NCAM1: variants seen among roughly 807,000 people sequenced by gnomAD.
NCAM1 encodes antigen recognized by monoclonal antibody 5.1H11.
Under a neutral mutation model 109.8 loss-of-function variants are expected in NCAM1, and 14 were observed. That is an observed-to-expected ratio of 0.13 (90% CI 0.08 to 0.20). The LOEUF (loss-of-function observed/expected upper bound fraction) is 0.20, where lower values mean the gene tolerates loss of function less well. NCAM1 is among the 10% of genes least tolerant of loss of function. The pLI is 1.00. For missense variants in NCAM1, 774 were observed against 1,109.9 expected (o/e 0.70, Z 4.30); for synonymous variants, 418 against 442.9 (o/e 0.94, Z 0.70).
At chr11:113,018,410 A>G (rs1952275850) in intron 1 of NCAM1, among the ~76,000 whole-genome samples, 1 of 152,132 alleles carries the variant, frequency 6.6e-6, no homozygotes, top group Admixed American at 6.5e-5. Context: ...CAGCAGTATA[A>G]CCTGTTGGGC....
intron 1 of NCAM1, among the ~76,000 whole-genome samples, chr11:113,193,769 G>A (rs1223420131): frequency 3.9e-5 from 6 of 152,164 alleles, no homozygotes; most frequent in Admixed American, 2.0e-4. Flanking sequence ...GGTGGTGGGA[G>A]TGAGAGCCTG....
chr11:113,215,718 C>T (rs992862818), intron 8 of NCAM1, among the ~76,000 whole-genome samples: 1 of 152,202 alleles, frequency 6.6e-6, no homozygotes, highest in Non-Finnish European at 1.5e-5. Flanking sequence ...TGAGGAACTG[C>T]TAAATATTTT....
intron 1 of NCAM1, among the ~76,000 whole-genome samples, chr11:113,153,811 T>G (rs1237527191): frequency 6.6e-6 from 1 of 152,232 alleles, no homozygotes; most frequent in Non-Finnish European, 1.5e-5. Flanking sequence ...TGGATTTGAA[T>G]CCTGGCTCTG....
intron 1 of NCAM1, among the ~76,000 whole-genome samples, chr11:113,150,095 C>A (rs934956745): frequency 1.3e-5 from 2 of 152,068 alleles, no homozygotes; most frequent in Admixed American, 6.5e-5. Context: ...AAAATGAATA[C>A]AAAGTCTGCT....
chr11:113,028,650 G>A (rs180724030), intron 1 of NCAM1, among the ~76,000 whole-genome samples: 7 of 152,280 alleles, frequency 4.6e-5, no homozygotes, highest in African/African-American at 9.6e-5. Context: ...ATCAAACAGT[G>A]TATATGCACA....
At position 112,962,547 on chromosome 11, in the gene NCAM1, C is replaced by G. The variant is rs1410889260; in HGVS notation, c.52+883C>G. Among the ~76,000 whole-genome samples the G allele has an allele frequency of 6.6e-6, 1 of 152,012 alleles. No individual in the cohort carries two copies. Among genetic ancestry groups the G allele is most frequent in the African/African-American group, 2.4e-5 (1 of 41,390 alleles). ...CCGCCCGAAACACCTCGCCCTGTCTCCTTTCTTTGGGCGAGGTTCCCGATC... is the reference window on the plus strand; with the variant it reads ...CCGCCCGAAACACCTCGCCCTGTCTGCTTTCTTTGGGCGAGGTTCCCGATC... On this transcript the variant is annotated intron_variant, in intron 1 of 19. Transcript: ENST00000316851. This position sits in a 1 kb window ranked among gnomAD's most constrained non-coding sequence, Gnocchi z 5.6.
rs1555117443 is a variant in NCAM1 at position 113,232,370 on chromosome 11, G to A, written c.1425+16G>A. On this transcript the variant is annotated intron_variant, in intron 11 of 19. Transcript: ENST00000316851. ...CTATCTGGAGGTGAGTCAGGATGGG[G>A]GTGGGACAGAGCAGAGAAAGCACAG... The A allele has an allele frequency of 6.3e-7, 1 of 1,596,024 alleles. No homozygotes were observed.
At chr11:113,208,175 C>T (rs1004841918) in intron 7 of NCAM1, among the ~76,000 whole-genome samples, 173 bp downstream of exon 7, 5 of 152,188 alleles carry the variant, frequency 3.3e-5, no homozygotes, top group Non-Finnish European at 7.3e-5. Context: ...ATCATCCTCA[C>T]CTGAGCAGTG....
chr11:113,078,036 G>A (rs1049714503), intron 1 of NCAM1, among the ~76,000 whole-genome samples: 6 of 152,120 alleles, frequency 3.9e-5, no homozygotes, highest in African/African-American at 1.4e-4. Context: ...TTGTGTCCTA[G>A]AACTGTCATA....
intron 1 of NCAM1, among the ~76,000 whole-genome samples, chr11:113,052,017 G>C (rs747287117): frequency 2.8e-4 from 43 of 152,320 alleles, no homozygotes; most frequent in Non-Finnish European, 2.6e-4. Context: ...CATGAACTCT[G>C]AGTACTGTGT....
At chr11:113,021,542 A>G (rs185353898) in intron 1 of NCAM1, among the ~76,000 whole-genome samples, 164 of 152,352 alleles carry the variant, frequency 1.1e-3, no homozygotes, top group African/African-American at 3.5e-3. Flanking sequence ...CTCAGAGACA[A>G]TCAGCTTTGG....
At chr11:113,159,268 G>A (rs943969919) in intron 1 of NCAM1, among the ~76,000 whole-genome samples, 1 of 151,970 alleles carries the variant, frequency 6.6e-6, no homozygotes, top group East Asian at 1.9e-4. Flanking sequence ...TGATAATTAG[G>A]AGTTACATTC....
At chr11:113,135,364 T>A (rs1433987192) in intron 1 of NCAM1, among the ~76,000 whole-genome samples, 2 of 152,152 alleles carry the variant, frequency 1.3e-5, no homozygotes, top group African/African-American at 4.8e-5. Context: ...TGAGAGTATG[T>A]CCTAGACTGG....
intron 1 of NCAM1, among the ~76,000 whole-genome samples, chr11:113,167,543 TAA>T (rs113240328): frequency 1.5e-4 from 21 of 143,930 alleles, no homozygotes; most frequent in Non-Finnish European, 2.3e-4. Flanking sequence ...TTTTTTTAAT[TAA>T]AAAAAAAAAA....
At chr11:112,974,049 T>C (rs1228065235) in intron 1 of NCAM1, among the ~76,000 whole-genome samples, 1 of 152,102 alleles carries the variant, frequency 6.6e-6, no homozygotes, top group Non-Finnish European at 1.5e-5. Context: ...AAATTTAGTG[T>C]ATTTAAATAA....
At chr11:113,099,693 T>G (rs1939778149) in intron 1 of NCAM1, among the ~76,000 whole-genome samples, 1 of 152,150 alleles carries the variant, frequency 6.6e-6, no homozygotes, top group Admixed American at 6.5e-5. Flanking sequence ...TTATTTTTAT[T>G]TATTATCATT....
At chr11:113,211,928 A>G (rs1555113696) in intron 7 of NCAM1, among the ~76,000 whole-genome samples, 1 of 152,186 alleles carries the variant, frequency 6.6e-6, no homozygotes, top group African/African-American at 2.4e-5. Flanking sequence ...ACTAAGGCCC[A>G]TGGAGGCAGG....
chr11:113,172,968 T>C (rs1565478690), intron 1 of NCAM1, among the ~76,000 whole-genome samples: 1 of 152,334 alleles, frequency 6.6e-6, no homozygotes, highest in South Asian at 2.1e-4. Flanking sequence ...TTGTCAAGTT[T>C]TACTTTTCAA....
At chr11:113,223,833 G>T (rs1330963707) in intron 9 of NCAM1, among the ~76,000 whole-genome samples, 1 of 152,184 alleles carries the variant, frequency 6.6e-6, no homozygotes, top group Non-Finnish European at 1.5e-5. Flanking sequence ...GTGACAAGCA[G>T]GTCAGCACAG....
Sources: gnomAD v4.1 joint callset for allele counts (sites outside exome capture counted in the v4.1 genomes callset) on GRCh38, gnomAD v4.1.1 for gene constraint, Gnocchi (gnomAD v3.1) non-coding constraint, MANE v1.5 for transcripts, NCBI Gene and HGNC (gene_info 2026-07-23, HGNC 2026-07-21) for gene names.